The following KLF1 variants were observed in gnomAD, a reference collection of about 807,000 sequenced individuals.
KLF1 encodes the protein KLF transcription factor 1, also known as Krueppel-like factor 1.
A neutral mutation model predicts 28.0 loss-of-function variants in KLF1; 29 were observed. That is an observed-to-expected ratio of 1.04 (90% confidence interval 0.77 to 1.41). KLF1 has a LOEUF of 1.41. Among genes scored for constraint, KLF1 ranks in the 40% most tolerant of loss-of-function variants. KLF1 has a pLI of 0.00. For missense variants in KLF1, 508 were observed against 515.1 expected, an observed-to-expected ratio of 0.99 and a Z score of 0.13; for synonymous variants, 262 against 242.6, an observed-to-expected ratio of 1.08 and a Z score of -0.74.
In KLF1 at chr19:12,887,158, C is replaced by T. The variant is rs779947994; in HGVS notation, c.-18G>A. ...GTGGCCATGGCTGGCTGGTGCCCAC[C>T]CTGGGCCTCAAGCCTCCTCTTCCTC... On this transcript the variant is annotated 5_prime_UTR_variant, in exon 1 of 3. Transcript: ENST00000264834. The surrounding 1 kb of genome is among the most constrained non-coding windows in gnomAD (Gnocchi z 4.7). 6.2e-7 allele frequency: 1 copy of T among 1,613,680 alleles called. No individual in the cohort carries two copies. The highest frequency in any genetic ancestry group is 8.5e-7 in the Non-Finnish European group (1 of 1,179,790).
rs950912980 is a variant in KLF1 at position 12,885,017 on chromosome 19, T to G, written c.957A>C (p.Arg319Ser). 6.2e-7 allele frequency: 1 copy of G among 1,608,658 alleles called. No individual in the cohort carries two copies. The highest frequency in any genetic ancestry group is 8.5e-7 in the Non-Finnish European group (1 of 1,179,914). The change falls in exon 3 of 3, where the codon AGA (arginine) becomes AGC (serine). Residue 319 changes from arginine (R) to serine (S), a missense_variant. Transcript: ENST00000264834. The surrounding 1 kb of genome is among the most constrained non-coding windows in gnomAD (Gnocchi z 5.6). Reference sequence around the variant, plus strand: ...GGGTCAGCTCGTCCGAGCGCGCGAATCTCCAGCCGCAGCCTTCCCACGTGC... The same window carrying G: ...GGGTCAGCTCGTCCGAGCGCGCGAAGCTCCAGCCGCAGCCTTCCCACGTGC... ...YACTWEGCGWRFARSDELTRH... is the reference protein window; with the variant it reads ...YACTWEGCGWSFARSDELTRH...
Position 12,885,205 on chromosome 19 carries a change from A to C in KLF1, c.913+112T>G, listed in dbSNP as rs1970422801. On this transcript the variant is annotated intron_variant, in intron 2 of 2. Coordinates refer to ENST00000264834, the MANE Select transcript of KLF1 (RefSeq NM_006563.5). The surrounding 1 kb of genome is among the most constrained non-coding windows in gnomAD (Gnocchi z 5.6). ...CCTAGGGCACAAAATTTAAGGAGGC[A>C]CTCACTCTCAGAGGCCAGCCAAGTC... The C allele has an allele frequency of 7.5e-7, 1 of 1,327,192 alleles. No individual in the cohort carries two copies. Among genetic ancestry groups the C allele is most frequent in the East Asian group, 2.5e-5 (1 of 39,716 alleles). 82.2% of individuals were successfully genotyped at this position (1,327,192 alleles called of 1,614,324 possible).
In KLF1 at chr19:12,885,484, C is replaced by G; in HGVS notation, c.746G>C (p.Gly249Ala). The part of the protein sequence containing the change: ...LGPGTVGTGL[G>A]GTAEDPGVIA... ...CACACCTGGATCCTCTGCAGTCCCC[C>G]CGAGTCCAGTGCCCACCGTCCCGGG... The change falls in exon 2 of 3, where the codon GGG becomes GCG. Residue 249 changes from glycine to alanine, a missense_variant. Physicochemically the swap from Gly to Ala is moderately conservative, Grantham distance 60 (BLOSUM62 0). Coordinates refer to ENST00000264834, the MANE Select transcript of KLF1 (RefSeq NM_006563.5). This position sits in a 1 kb window ranked among gnomAD's most constrained non-coding sequence, Gnocchi z 5.6. 1.2e-6 allele frequency: 2 copies of G among 1,602,154 alleles called. No homozygotes were observed. The highest frequency in any genetic ancestry group is 1.3e-5 in the African/African-American group (1 of 74,808).
In KLF1 at chr19:12,886,028, C is replaced by A; in HGVS notation, c.202G>T (p.Gly68Cys). Reference sequence around the variant, plus strand: ...TCCAGGTCCCAGGTGGCGTCCGCGCCCCTCTCATCGTCCTCTTCCTCCCCG... The same window carrying A: ...TCCAGGTCCCAGGTGGCGTCCGCGCACCTCTCATCGTCCTCTTCCTCCCCG... Reference protein sequence around the residue: ...QPGEEEDDERGADATWDLDLL... With the variant: ...QPGEEEDDERCADATWDLDLL... The change falls in exon 2 of 3, where the codon GGC becomes TGC. Residue 68 changes from glycine to cysteine, a missense_variant. Transcript: ENST00000264834. The A allele has an allele frequency of 6.2e-7, 1 of 1,607,178 alleles. No individual in the cohort carries two copies.
rs767960054 is a variant in KLF1, at chr19:12,887,125, T to A, written c.16A>T (p.Thr6Ser). 1.3e-5 allele frequency: 21 copies of A among 1,613,858 alleles called. No individual in the cohort carries two copies. The East Asian group carries it at 4.7e-4, about 36-fold the overall frequency. MATAE[T>S]ALPSISTLTA... is the part of the protein sequence containing the mutation. Reference sequence around the variant, plus strand: ...AGTGTGCTGATGGAGGGCAAGGCGGTCTCGGCTGTGGCCATGGCTGGCTGG... The same window carrying A: ...AGTGTGCTGATGGAGGGCAAGGCGGACTCGGCTGTGGCCATGGCTGGCTGG... Residue 6 changes from threonine to serine, a missense_variant, in exon 1 of 3, where the codon ACC becomes TCC. Thr to Ser is a moderately conservative substitution (Grantham distance 58, BLOSUM62 1). Coordinates refer to ENST00000264834, the MANE Select transcript of KLF1 (RefSeq NM_006563.5). This position sits in a 1 kb window ranked among gnomAD's most constrained non-coding sequence, Gnocchi z 4.7.
rs1970422875 is a variant in KLF1, at chr19:12,885,212, C to T, written c.913+105G>A. The T allele has an allele frequency of 7.4e-7, 1 of 1,347,564 alleles. No homozygotes were observed. Among genetic ancestry groups the T allele is most frequent in the Non-Finnish European group, 1.0e-6 (1 of 979,666 alleles). 83.5% of individuals were successfully genotyped at this position (1,347,564 alleles called of 1,614,324 possible). ...CACAAAATTTAAGGAGGCACTCACTCTCAGAGGCCAGCCAAGTCCAAGTCC... is the reference window on the plus strand; with the variant it reads ...CACAAAATTTAAGGAGGCACTCACTTTCAGAGGCCAGCCAAGTCCAAGTCC... On this transcript the variant is annotated intron_variant, in intron 2 of 2. Transcript: ENST00000264834. This position sits in a 1 kb window ranked among gnomAD's most constrained non-coding sequence, Gnocchi z 5.6.
chr19:12,885,530 A>T lies in KLF1; in HGVS notation c.700T>A (p.Ser234Thr). ...CCGGGTCCCAAACAACTCAGGAAGGAGGGGGACGTGGCGGGACCGGGCGCG... is the reference window on the plus strand; with the variant it reads ...CCGGGTCCCAAACAACTCAGGAAGGTGGGGGACGTGGCGGGACCGGGCGCG... ...GPAPGPATSP[S>T]FLSCLGPGTV... Residue 234 changes from serine to threonine, a missense_variant, in exon 2 of 3, where the codon TCC becomes ACC. Physicochemically the swap from Ser to Thr is moderately conservative, Grantham distance 58. Transcript: ENST00000264834. This position sits in a 1 kb window ranked among gnomAD's most constrained non-coding sequence, Gnocchi z 5.6. 6.3e-7 allele frequency: 1 copy of T among 1,586,130 alleles called. No individual in the cohort carries two copies. The highest frequency in any genetic ancestry group is 8.6e-7 in the Non-Finnish European group (1 of 1,167,222).
chr19:12,885,154 G>A lies in KLF1; in HGVS notation c.914-94C>T. On this transcript the variant is annotated intron_variant, in intron 2 of 2. Coordinates refer to ENST00000264834, the MANE Select transcript of KLF1 (RefSeq NM_006563.5). This position sits in a 1 kb window ranked among gnomAD's most constrained non-coding sequence, Gnocchi z 5.6. ...CACACCCCTTTACTCAGCCTGGGCT[G>A]GGACTAGGATGAACAAAGTGAGGCC... 6.8e-7 allele frequency: 1 copy of A among 1,478,788 alleles called. No homozygotes were observed. Among genetic ancestry groups the A allele is most frequent in the Non-Finnish European group, 9.2e-7 (1 of 1,087,282 alleles). The allele number at this position is 1,478,788 out of a possible 1,614,324, so 91.6% of individuals were successfully genotyped here.
rs776731719 is a variant in KLF1 at position 12,885,939 on chromosome 19, C to T, written c.291G>A (p.Ala97=). The change falls in exon 2 of 3, where the codon GCG becomes GCA. Residue 97 remains alanine (A), a synonymous_variant. Transcript: ENST00000264834. This position sits in a 1 kb window ranked among gnomAD's most constrained non-coding sequence, Gnocchi z 5.6. ...PGGAPQTCAL[A]PSEASGAQYP... The stretch of plus-strand genomic sequence containing the variant: ...ATTGCGCCCCGGAGGCCTCGCTGGG[C>T]GCCAGAGCGCAGGTCTGGGGCGCGC... 5.1e-6 allele frequency: 8 copies of T among 1,559,466 alleles called. No homozygotes were observed. In the African/African-American group the frequency reaches 6.8e-5, roughly 13 times the overall value.
At position 12,885,757 on chromosome 19, in the gene KLF1, G is replaced by C. The variant is rs1158562630; in HGVS notation, c.473C>G (p.Ala158Gly). Residue 158 changes from alanine to glycine, a missense_variant, in exon 2 of 3, where the codon GCC becomes GGC. Coordinates refer to ENST00000264834, the MANE Select transcript of KLF1 (RefSeq NM_006563.5). The surrounding 1 kb of genome is among the most constrained non-coding windows in gnomAD (Gnocchi z 5.6). ...FVGPALAPAP[A>G]PEPKALALQP... ...CAGCGCCAGCGCCTTGGGCTCGGGG[G>C]CCGGGGCTGGAGCCAGGGCTGGGCC... 13 of 1,510,316 alleles carry C rather than the reference G, an allele frequency of 8.6e-6. No homozygotes were observed. The highest frequency in any genetic ancestry group is 2.8e-5 in the African/African-American group (2 of 71,478). 93.6% of individuals were successfully genotyped at this position (1,510,316 alleles called of 1,614,324 possible). A position where few individuals can be genotyped will look rare whatever the true frequency, so the allele number is the denominator to read the frequency against.
intron 1 of KLF1, among the ~76,000 whole-genome samples, 174 bp from the exon 2 acceptor site, chr19:12,886,316 C>G (rs188000772): frequency 5.3e-5 from 8 of 152,176 alleles, no homozygotes; most frequent in Non-Finnish European, 7.3e-5. Context: ...CCGCTCCCCC[C>G]CCAGCTCCAG....
chr19:12,884,644 T>C lies in KLF1; in HGVS notation c.*241A>G. On this transcript the variant is annotated 3_prime_UTR_variant, in exon 3 of 3. Transcript: ENST00000264834. Reference sequence around the variant, plus strand: ...CTGGGTTTGCACGACAGTTTGGACATCTCTGTGTGGCTCCCTGTGGCTGAA... The same window carrying C: ...CTGGGTTTGCACGACAGTTTGGACACCTCTGTGTGGCTCCCTGTGGCTGAA... 1.7e-6 allele frequency: 1 copy of C among 572,776 alleles called. No individual in the cohort carries two copies. Among genetic ancestry groups the C allele is most frequent in the Admixed American group, 3.0e-5 (1 of 33,604 alleles). 35.5% of individuals were successfully genotyped at this position (572,776 alleles called of 1,614,324 possible). A position where few individuals can be genotyped will look rare whatever the true frequency, so the allele number is the denominator to read the frequency against.
chr19:12,886,308 G>T (rs564149223), intron 1 of KLF1, among the ~76,000 whole-genome samples, 166 bp from the exon 2 acceptor site: 26 of 151,314 alleles, frequency 1.7e-4, no homozygotes, highest in Admixed American at 1.7e-3. Flanking sequence ...CCCTCTCCCC[G>T]CTCCCCCCCC....
rs387907598 is a variant in KLF1 at position 12,885,338 on chromosome 19, C to G, written c.892G>C (p.Ala298Pro). The stretch of plus-strand genomic sequence containing the variant: ...TCACCTGTGTGCGTGCGCAGATGCG[C>G]CTTCAGGTGGGAGCTCTTGGTGTAG... ...KSYTKSSHLK[A>P]HLRTHTGEKP... The change falls in exon 2 of 3, where the codon GCG becomes CCG. Residue 298 changes from alanine to proline, a missense_variant. Transcript: ENST00000264834. The surrounding 1 kb of genome is among the most constrained non-coding windows in gnomAD (Gnocchi z 5.6). The G allele has an allele frequency of 1.3e-6, 2 of 1,596,986 alleles. No homozygotes were observed. Among genetic ancestry groups the G allele is most frequent in the East Asian group, 4.5e-5 (2 of 44,058 alleles).
chr19:12,886,489 A>G (rs1301810792), intron 1 of KLF1, among the ~76,000 whole-genome samples: 2 of 151,980 alleles, frequency 1.3e-5, no homozygotes, highest in Non-Finnish European at 2.9e-5. Flanking sequence ...CCCCCAGAAC[A>G]TCCCTCTCCT....
At chr19:12,886,313 C>A (rs374812634) in intron 1 of KLF1, among the ~76,000 whole-genome samples, 171 bp from the exon 2 acceptor site, 1 of 152,166 alleles carries the variant, frequency 6.6e-6, no homozygotes, top group Non-Finnish European at 1.5e-5. Context: ...TCCCCGCTCC[C>A]CCCCCAGCTC....
Position 12,885,387 on chromosome 19 carries a change from G to C in KLF1, c.843C>G (p.Cys281Trp). ...AGCTCTTGCCGCAACCCGGGTGCGCGCACGTGTGCGCTGCCTGCCTCTTGC... is the reference window on the plus strand; with the variant it reads ...AGCTCTTGCCGCAACCCGGGTGCGCCCACGTGTGCGCTGCCTGCCTCTTGC... ...WARKRQAAHT[C>W]AHPGCGKSYT... The change falls in exon 2 of 3, where the codon TGC (cysteine) becomes TGG (tryptophan). Residue 281 changes from cysteine to tryptophan, a missense_variant. Physicochemically the swap from Cys to Trp is radical, Grantham distance 215. Transcript: ENST00000264834. This position sits in a 1 kb window ranked among gnomAD's most constrained non-coding sequence, Gnocchi z 5.6. The C allele has an allele frequency of 1.2e-6, 2 of 1,605,760 alleles. No individual in the cohort carries two copies. Among genetic ancestry groups the C allele is most frequent in the Non-Finnish European group, 1.7e-6 (2 of 1,176,730 alleles).
chr19:12,887,031 A>G lies in KLF1; in HGVS notation c.87+23T>C, dbSNP rs371444385. The stretch of plus-strand genomic sequence containing the variant: ...GCCCTGGATTCCAGCCAGCCCACCT[A>G]GACCCCACCTTCTAGGCCCCACCTT... On this transcript the variant is annotated intron_variant, in intron 1 of 2. Coordinates refer to ENST00000264834, the MANE Select transcript of KLF1 (RefSeq NM_006563.5). The surrounding 1 kb of genome is among the most constrained non-coding windows in gnomAD (Gnocchi z 4.7). The G allele has an allele frequency of 9.4e-5, 151 of 1,612,924 alleles. No homozygotes were observed. Among genetic ancestry groups the G allele is most frequent in the Non-Finnish European group, 1.2e-4 (140 of 1,179,102 alleles).
rs757298523 is a variant in KLF1 at position 12,885,992 on chromosome 19, TGAG to T, written c.235_237del (p.Leu79del). On this transcript the variant is annotated inframe_deletion, in exon 2 of 3. Transcript: ENST00000264834. This position sits in a 1 kb window ranked among gnomAD's most constrained non-coding sequence, Gnocchi z 5.6. ...CCGGGCTCCGGGCCCGAGAAGTTGG[TGAG>T]GAGGAGATCCAGGTCCCAGGTGGCG... The T allele has an allele frequency of 4.4e-6, 7 of 1,592,812 alleles. No homozygotes were observed. Among genetic ancestry groups the T allele is most frequent in the African/African-American group, 2.7e-5 (2 of 74,420 alleles).
Sources: allele counts gnomAD v4.1 joint callset (sites outside exome capture counted in the v4.1 genomes callset), GRCh38; gene constraint gnomAD v4.1.1; non-coding constraint Gnocchi (gnomAD v3.1); transcripts MANE v1.5; gene names NCBI Gene and HGNC (gene_info 2026-07-23, HGNC 2026-07-21).